The following RBFOX3 variants were observed in gnomAD, a reference collection of about 807,000 sequenced individuals.
RBFOX3 encodes RNA binding fox-1 homolog 3, also known as RNA binding protein fox-1 homolog 3.
In RBFOX3, 17 loss-of-function variants were observed where a neutral mutation model predicts 48.7. The observed-to-expected ratio is 0.35, with a 90% CI of 0.24 to 0.52. The LOEUF (loss-of-function observed/expected upper bound fraction) is 0.52. Ranked by LOEUF, RBFOX3 falls within the 20% of genes least tolerant of loss-of-function variation. The pLI, the probability that RBFOX3 is intolerant of heterozygous loss-of-function variation, is 0.94. For synonymous variants in RBFOX3, 212 were observed against 209.5 expected, an observed-to-expected ratio of 1.01 and a Z score of -0.10; for missense variants, 382 against 497.5, an observed-to-expected ratio of 0.77 and a Z score of 2.21.
At position 79,094,484 on chromosome 17, in the gene RBFOX3, G is replaced by C. The variant is rs1258215929; in HGVS notation, c.1044C>G (p.Ile348Met). 2.0e-6 allele frequency: 3 copies of C among 1,470,992 alleles called. No homozygotes were observed. Among genetic ancestry groups the C allele is most frequent in the Non-Finnish European group, 2.7e-6 (3 of 1,111,512 alleles). 91.1% of individuals were successfully genotyped at this position (1,470,992 alleles called of 1,614,324 possible). A position where few individuals can be genotyped will look rare whatever the true frequency, so the allele number is the denominator to read the frequency against. Residue 348 changes from isoleucine to methionine, a missense_variant, in exon 14 of 15, where the codon ATC (isoleucine) becomes ATG (methionine). Coordinates refer to ENST00000693108, the MANE Select transcript of RBFOX3 (RefSeq NM_001350451.2). ...CAATGCTGTAGGTCGCCGCGGGCCC[G>C]ATGGTGTGATGGTACGGGTCGGCAG... ...YAAADPYHHTIGPAATYSIGT... is the reference protein window; with the variant it reads ...YAAADPYHHTMGPAATYSIGT...
chr17:79,358,443 C>A (rs1305289399), intron 2 of RBFOX3, among the ~76,000 whole-genome samples: 2 of 152,134 alleles, frequency 1.3e-5, no homozygotes, highest in Non-Finnish European at 2.9e-5. Context: ...GTCTACACTT[C>A]CTCTCATTTT....
chr17:79,636,560 G>T, the RBFOX3 span, among the ~76,000 whole-genome samples: 1 of 151,768 alleles, frequency 6.6e-6, no homozygotes, highest in African/African-American at 2.4e-5. Context: ...AACTTCAATC[G>T]CATACAAAAC....
chr17:79,299,120 T>C lies in RBFOX3; in HGVS notation c.-74+8604A>G, dbSNP rs1158161130. On this transcript the variant is annotated intron_variant, in intron 3 of 14. Coordinates refer to ENST00000693108, the MANE Select transcript of RBFOX3 (RefSeq NM_001350451.2). The surrounding 1 kb of genome is among the most constrained non-coding windows in gnomAD (Gnocchi z 4.5). ...GGGAGGGACATGGGAAATGAACTAA[T>C]AAATAAGAGGCCAGGTGTGGTATCT... 1.4e-5 allele frequency among the ~76,000 whole-genome samples: 2 copies of C among 144,644 alleles called. No individual in the cohort carries two copies. Among genetic ancestry groups the C allele is most frequent in the African/African-American group, 5.2e-5 (2 of 38,462 alleles). 94.9% of individuals were successfully genotyped at this position (144,644 alleles called of 152,430 possible). A position where few individuals can be genotyped will look rare whatever the true frequency, so the allele number is the denominator to read the frequency against.
At chr17:79,614,848 A>G (rs2093987882), upstream of RBFOX3, among the ~76,000 whole-genome samples, 1 of 151,982 alleles carries the variant, frequency 6.6e-6, no homozygotes, top group South Asian at 2.1e-4. Context: ...AGAGGGGATG[A>G]AAAAAAACTA....
Position 79,364,963 on chromosome 17 carries a change from C to T in RBFOX3, c.-174-57139G>A, listed in dbSNP as rs549007143. Among the ~76,000 whole-genome samples the T allele has an allele frequency of 1.3e-5, 2 of 152,172 alleles. No individual in the cohort carries two copies. The highest frequency in any genetic ancestry group is 4.2e-4 in the South Asian group (2 of 4,814). Reference sequence around the variant, plus strand: ...CTGCAGTGCTTGGGCAGCAGTCAGCCCAAGGCTCAGAAAGGCAGCATCCAA... The same window carrying T: ...CTGCAGTGCTTGGGCAGCAGTCAGCTCAAGGCTCAGAAAGGCAGCATCCAA... On this transcript the variant is annotated intron_variant, in intron 2 of 14. Transcript: ENST00000693108. This position sits in a 1 kb window ranked among gnomAD's most constrained non-coding sequence, Gnocchi z 5.1.
intron 1 of RBFOX3, among the ~76,000 whole-genome samples, chr17:79,523,131 TG>T (rs1240273613): frequency 8.7e-6 from 1 of 114,654 alleles, no homozygotes. Flanking sequence ...GGGCTTGTGG[TG>T]GGGGGGCGGG....
chr17:79,657,469 G>A, the RBFOX3 span, among the ~76,000 whole-genome samples: 3 of 152,120 alleles, frequency 2.0e-5, no homozygotes, highest in South Asian at 2.1e-4. Context: ...ACCTGAGGTC[G>A]GGAGTTCAAG....
chr17:79,389,713 G>T (rs1239014679), intron 2 of RBFOX3, among the ~76,000 whole-genome samples: 6 of 152,144 alleles, frequency 3.9e-5, no homozygotes, highest in Admixed American at 1.3e-4. Context: ...TACGTTCCTG[G>T]GGAATGCCAG....
chr17:79,567,327 G>A (rs2092501055), intron 1 of RBFOX3, among the ~76,000 whole-genome samples: 1 of 151,796 alleles, frequency 6.6e-6, no homozygotes, highest in South Asian at 2.1e-4. Flanking sequence ...GGGATTATAG[G>A]TGCCCACCAC....
intron 3 of RBFOX3, among the ~76,000 whole-genome samples, chr17:79,255,359 C>G (rs74819401): frequency 0.042 from 6,437 of 151,892 alleles, 152 homozygotes; most frequent in East Asian, 0.12. Flanking sequence ...TCAGTGACAC[C>G]GTTGAGAGAC....
At chr17:79,530,139 G>A (rs1312771424) in intron 1 of RBFOX3, among the ~76,000 whole-genome samples, 1 of 152,196 alleles carries the variant, frequency 6.6e-6, no homozygotes, top group East Asian at 1.9e-4. Flanking sequence ...ACAGCCCACA[G>A]AGAGGAGGAA....
At chr17:79,631,597 T>G in the RBFOX3 span, among the ~76,000 whole-genome samples, 15 of 152,176 alleles carry the variant, frequency 9.9e-5, no homozygotes, top group African/African-American at 3.6e-4. Context: ...CCACCATTTC[T>G]CATGGTATTG....
chr17:79,434,655 T>C (rs1240970320), intron 2 of RBFOX3, among the ~76,000 whole-genome samples: 1 of 152,184 alleles, frequency 6.6e-6, no homozygotes, highest in Non-Finnish European at 1.5e-5. Context: ...TCTAGCTGTG[T>C]GATTTTGTAT....
At chr17:79,619,162 C>T in the RBFOX3 span, among the ~76,000 whole-genome samples, 1 of 152,200 alleles carries the variant, frequency 6.6e-6, no homozygotes, top group African/African-American at 2.4e-5. Context: ...AGCTCTTTAG[C>T]ACTCCAGGAG....
At chr17:79,162,420 T>G (rs2047164909) in intron 4 of RBFOX3, among the ~76,000 whole-genome samples, 1 of 152,110 alleles carries the variant, frequency 6.6e-6, no homozygotes, top group Non-Finnish European at 1.5e-5. Flanking sequence ...CTCTCCTGCC[T>G]CCAGCCAGGC....
At chr17:79,245,730 C>T (rs528921256) in intron 3 of RBFOX3, among the ~76,000 whole-genome samples, 78 of 150,054 alleles carry the variant, frequency 5.2e-4, no homozygotes, top group African/African-American at 1.8e-3. Flanking sequence ...TGGGTTCAAG[C>T]GATTCTTCTG....
chr17:79,197,399 T>A (rs1313055942), intron 4 of RBFOX3, among the ~76,000 whole-genome samples: 1 of 148,654 alleles, frequency 6.7e-6, no homozygotes, highest in Non-Finnish European at 1.5e-5. Flanking sequence ...TTTTTTTTTT[T>A]TTTTTTTGAG....
rs181510789 is a variant in RBFOX3, at chr17:79,171,319, C to A, written c.-33-55571G>T. 4.6e-3 allele frequency among the ~76,000 whole-genome samples: 705 copies of A among 152,340 alleles called. 6 individuals are homozygous for A. The highest frequency in any genetic ancestry group is 5.9e-3 in the Non-Finnish European group (401 of 68,034). On this transcript the variant is annotated intron_variant, in intron 4 of 14. Transcript: ENST00000693108. ...GGAAACGTAACATCACCCGTGGCTT[C>A]ACCACGCTGCCATCTGCGGACAGGG...
chr17:79,430,453 T>C (rs1454794262), intron 2 of RBFOX3, among the ~76,000 whole-genome samples: 1 of 152,208 alleles, frequency 6.6e-6, no homozygotes, highest in Non-Finnish European at 1.5e-5. Flanking sequence ...AGGAGTCTCT[T>C]AATCAGAAAG....
Sources: gnomAD v4.1 joint callset for allele counts (sites outside exome capture counted in the v4.1 genomes callset) on GRCh38, gnomAD v4.1.1 for gene constraint, Gnocchi (gnomAD v3.1) non-coding constraint, MANE v1.5 for transcripts, NCBI Gene and HGNC (gene_info 2026-07-23, HGNC 2026-07-21) for gene names.